Variants in FAM110C observed in about 807,000 individuals in gnomAD.
FAM110C encodes family with sequence similarity 110 member C, also known as protein FAM110C.
Under a neutral mutation model 15.7 loss-of-function variants are expected in FAM110C, and 19 were observed. The ratio of observed to expected loss-of-function variants is 1.21; its 90% confidence interval spans 0.85 to 1.78. The LOEUF (loss-of-function observed/expected upper bound fraction) is 1.78, where lower values mean the gene tolerates loss of function less well. Among genes scored for constraint, FAM110C ranks in the 40% most tolerant of loss-of-function variants. The probability of loss-of-function intolerance (pLI) is 0.00; values close to 1 mark genes in which losing one functional copy is unlikely to be tolerated. For synonymous variants in FAM110C, 275 were observed against 233.9 expected (o/e 1.18, Z -1.61); for missense variants, 547 against 495.7 (o/e 1.10, Z -0.98).
In FAM110C at chr2:46,020, C is replaced by A. The variant is rs1322787693; in HGVS notation, c.366G>T (p.Leu122=). Residue 122 remains leucine (L), a synonymous_variant, in exon 1 of 2, where the codon CTG becomes CTT. Coordinates refer to ENST00000327669, the MANE Select transcript of FAM110C (RefSeq NM_001077710.3). ...CCGGCCCCTGGAAGAGCTTCTTCAC[C>A]AGGCTTGCCCTGGGGCCGTCGGCGC... The part of the protein sequence containing the change: ...GSGADGPRAS[L]VKKLFQGPGK... The A allele has an allele frequency of 1.5e-5, 23 of 1,488,516 alleles. No individual in the cohort carries two copies. The highest frequency in any genetic ancestry group is 2.0e-5 in the Non-Finnish European group (23 of 1,126,252). The allele number at this position is 1,488,516 out of a possible 1,614,324, so 92.2% of individuals were successfully genotyped here.
intron 1 of FAM110C, chr2:44,050 T>C (rs1664207022): frequency 3.0e-6 from 3 of 985,318 alleles, no homozygotes; most frequent in African/African-American, 1.7e-5. Context: ...TCCACGGACC[T>C]GGCCACTCTC....
At chr2:44,619 T>A in intron 1 of FAM110C, 1 of 985,396 alleles carries the variant, frequency 1.0e-6, no homozygotes, top group Non-Finnish European at 1.2e-6. Flanking sequence ...AAGACGCCCA[T>A]AGGGAAGAGC....
At chr2:44,351 G>A (rs1204640523) in intron 1 of FAM110C, 1 of 985,152 alleles carries the variant, frequency 1.0e-6, no homozygotes, top group African/African-American at 1.7e-5. Context: ...AGAAATTATT[G>A]GAGATATTTT....
Position 41,518 on chromosome 2 carries a change from G to A in FAM110C, c.*90C>T. 6.9e-7 allele frequency: 1 copy of A among 1,455,354 alleles called. No homozygotes were observed. The highest frequency in any genetic ancestry group is 9.5e-7 in the Non-Finnish European group (1 of 1,053,962). The allele number at this position is 1,455,354 out of a possible 1,614,324, so 90.2% of individuals were successfully genotyped here. ...TTGTCAATGGGATGCTGCATTCCTG[G>A]TAAAACAGCAATCATGTGGTCACCT... is the stretch of plus-strand genomic sequence containing the variant. On this transcript the variant is annotated 3_prime_UTR_variant, in exon 2 of 2. Coordinates refer to ENST00000327669, the MANE Select transcript of FAM110C (RefSeq NM_001077710.3).
In FAM110C at chr2:45,521, T is replaced by G. The variant is rs189855376; in HGVS notation, c.865A>C (p.Arg289=). The G allele has an allele frequency of 3.3e-4, 535 of 1,614,136 alleles. 5 individuals carry two copies. The East Asian group carries it at 9.4e-3, about 28-fold the overall frequency. Residue 289 remains arginine, a synonymous_variant, in exon 1 of 2, where the codon AGG becomes CGG. Transcript: ENST00000327669. ...AGCCACTTGATGATGCGGGCGTTCC[T>G]CTCGATGACCGAAGTGGTGCTGGGC... is the stretch of plus-strand genomic sequence containing the variant. The part of the protein sequence containing the change: ...QVPSTTSVIE[R]NARIIKWLYT...
At position 41,595 on chromosome 2, in the gene FAM110C, C is replaced by T. The variant is rs748997045; in HGVS notation, c.*13G>A. On this transcript the variant is annotated 3_prime_UTR_variant, in exon 2 of 2. Transcript: ENST00000327669. Reference sequence around the variant, plus strand: ...ATCCCAAATCACCCATGAAATCCTTCAAGAAGTCTTCATCATCGGGAAGGT... The same window carrying T: ...ATCCCAAATCACCCATGAAATCCTTTAAGAAGTCTTCATCATCGGGAAGGT... 6.2e-7 allele frequency: 1 copy of T among 1,613,780 alleles called. No individual in the cohort carries two copies. Among genetic ancestry groups the T allele is most frequent in the South Asian group, 1.1e-5 (1 of 91,000 alleles).
chr2:41,474 CCTT>C lies in FAM110C; in HGVS notation c.*131_*133del. ...CCCATATTCTCTGTAGTATTTTAAA[CCTT>C]CTCAGAGCACTTGTTTTGTCAATGG... On this transcript the variant is annotated 3_prime_UTR_variant, in exon 2 of 2. Transcript: ENST00000327669. 1.0e-6 allele frequency: 1 copy of C among 995,714 alleles called. No homozygotes were observed. The highest frequency in any genetic ancestry group is 1.5e-6 in the Non-Finnish European group (1 of 672,986). 61.7% of individuals were successfully genotyped at this position (995,714 alleles called of 1,614,324 possible). A position where few individuals can be genotyped will look rare whatever the true frequency, so the allele number is the denominator to read the frequency against.
intron 1 of FAM110C, chr2:41,928 A>G (rs1175810282): frequency 1.0e-6 from 1 of 985,392 alleles, no homozygotes; most frequent in Non-Finnish European, 1.2e-6. Context: ...ATTTCTTTAC[A>G]TGTTGGTAAG....
At chr2:44,345 A>G (rs760066213) in intron 1 of FAM110C, 255 of 985,242 alleles carry the variant, frequency 2.6e-4, no homozygotes, top group Non-Finnish European at 3.0e-4. Context: ...AGCCAGAGAA[A>G]TTATTGGAGA....
chr2:41,702 T>C, intron 1 of FAM110C, 75 bp from the exon 2 acceptor site: 1 of 1,596,674 alleles, frequency 6.3e-7, no homozygotes, highest in Non-Finnish European at 8.5e-7. Flanking sequence ...CTAAACATTA[T>C]ACTGGTCTGG....
chr2:46,102 A>G lies in FAM110C; in HGVS notation c.284T>C (p.Leu95Ser). 7 of 1,507,068 alleles carry G rather than the reference A, an allele frequency of 4.6e-6. No homozygotes were observed. Among genetic ancestry groups the G allele is most frequent in the Non-Finnish European group, 6.2e-6 (7 of 1,135,466 alleles). The allele number at this position is 1,507,068 out of a possible 1,614,324, so 93.4% of individuals were successfully genotyped here. Residue 95 changes from leucine to serine, a missense_variant, in exon 1 of 2, where the codon TTG (leucine) becomes TCG (serine). By Grantham distance (145) the Leu-to-Ser change is moderately radical (BLOSUM62 -2). Transcript: ENST00000327669. ...GTAGATGATCAGCGAGTCCGGTCTC[A>G]ACGGCTTCCGCGCAATAGCCCTGCG... ...VARRAIARKP[L>S]RPDSLIIYRQ...
chr2:41,490 G>C lies in FAM110C; in HGVS notation c.*118C>G. 1 of 1,198,228 alleles carries C rather than the reference G, an allele frequency of 8.3e-7. No individual in the cohort carries two copies. The highest frequency in any genetic ancestry group is 1.2e-6 in the Non-Finnish European group (1 of 838,278). 74.2% of individuals were successfully genotyped at this position (1,198,228 alleles called of 1,614,324 possible). A position where few individuals can be genotyped will look rare whatever the true frequency, so the allele number is the denominator to read the frequency against. ...TATTTTAAACCTTCTCAGAGCACTT[G>C]TTTTGTCAATGGGATGCTGCATTCC... On this transcript the variant is annotated 3_prime_UTR_variant, in exon 2 of 2. Transcript: ENST00000327669.
Position 40,465 on chromosome 2 carries a change from T to C in FAM110C, c.*1143A>G, listed in dbSNP as rs1377013948. On this transcript the variant is annotated 3_prime_UTR_variant, in exon 2 of 2. Coordinates refer to ENST00000327669, the MANE Select transcript of FAM110C (RefSeq NM_001077710.3). The stretch of plus-strand genomic sequence containing the variant: ...GAATTGGCTGGGTAACAAATTTTCT[T>C]TGGGTTATTTCTCAGAAGGTTCTGA... 1 of 152,196 alleles carries C rather than the reference T, an allele frequency of 6.6e-6. No homozygotes were observed. The highest frequency in any genetic ancestry group is 1.5e-5 in the Non-Finnish European group (1 of 68,032). The allele number at this position is 152,196 out of a possible 1,614,324, so 9.4% of individuals were successfully genotyped here. A position where few individuals can be genotyped will look rare whatever the true frequency, so the allele number is the denominator to read the frequency against.
intron 1 of FAM110C, chr2:43,818 T>G (rs1411367749): frequency 1.0e-6 from 1 of 985,458 alleles, no homozygotes; most frequent in African/African-American, 1.7e-5. Context: ...CTCACGTACT[T>G]CAATAGACAA....
intron 1 of FAM110C, chr2:43,203 T>C: frequency 1.0e-6 from 1 of 985,432 alleles, no homozygotes; most frequent in Non-Finnish European, 1.2e-6. Flanking sequence ...CTGTTTTGGG[T>C]CTAGGGAAGT....
Position 46,481 on chromosome 2 carries a change from G to T in FAM110C, c.-96C>A. ...TCCCAGGGCCGGTTCCGAAGTCCGC[G>T]CCGGGTGGGGAACGGCGCCCCAGTG... On this transcript the variant is annotated 5_prime_UTR_variant, in exon 1 of 2. Coordinates refer to ENST00000327669, the MANE Select transcript of FAM110C (RefSeq NM_001077710.3). The T allele has an allele frequency of 3.0e-6, 3 of 995,598 alleles. No individual in the cohort carries two copies. Among genetic ancestry groups the T allele is most frequent in the South Asian group, 4.3e-5 (1 of 23,416 alleles). The allele number at this position is 995,598 out of a possible 1,614,324, so 61.7% of individuals were successfully genotyped here. A position where few individuals can be genotyped will look rare whatever the true frequency, so the allele number is the denominator to read the frequency against.
At chr2:45,056 G>A (rs1664236950) in intron 1 of FAM110C, 2 of 985,262 alleles carry the variant, frequency 2.0e-6, no homozygotes, top group Admixed American at 6.2e-5. Context: ...AGGAACTAGG[G>A]CTCTCAAGCT....
Sources: allele counts gnomAD v4.1 joint callset, GRCh38; gene constraint gnomAD v4.1.1; transcripts MANE v1.5; gene names NCBI Gene and HGNC (gene_info 2026-07-23, HGNC 2026-07-21).